ODAD4: variants seen among roughly 807,000 people sequenced by gnomAD.
The protein encoded by ODAD4 is outer dynein arm docking complex subunit 4.
ODAD4 carries 49 observed loss-of-function variants against 51.8 expected under a neutral mutation model. The ratio of observed to expected loss-of-function variants is 0.95; its 90% CI spans 0.75 to 1.20. The LOEUF is 1.20. ODAD4 is among the 50% of genes most tolerant of loss of function. The pLI is 0.00. For synonymous variants in ODAD4, 235 were observed against 221.3 expected, an observed-to-expected ratio of 1.06 and a Z score of -0.55; for missense variants, 590 against 586.5, an observed-to-expected ratio of 1.01 and a Z score of -0.06.
chr17:41,960,245 A>C (rs573187920), intron 10 of ODAD4, among the ~76,000 whole-genome samples: 1 of 152,238 alleles, frequency 6.6e-6, no homozygotes, highest in East Asian at 1.9e-4. Context: ...GGGCAGGAGG[A>C]TCACTTGGGT....
intron 10 of ODAD4, among the ~76,000 whole-genome samples, chr17:41,956,832 C>T (rs2050740895): frequency 1.3e-5 from 2 of 152,196 alleles, no homozygotes; most frequent in Non-Finnish European, 2.9e-5. Flanking sequence ...ATTCTCCTGC[C>T]TTGACCTGCC....
intron 10 of ODAD4, among the ~76,000 whole-genome samples, chr17:41,957,857 C>T (rs2050753697): frequency 6.6e-6 from 1 of 152,088 alleles, no homozygotes; most frequent in African/African-American, 2.4e-5. Context: ...GTGACTACAG[C>T]TCACTGCAGC....
At chr17:41,962,345 A>C (rs562634030) in intron 11 of ODAD4, among the ~76,000 whole-genome samples, 3 of 152,278 alleles carry the variant, frequency 2.0e-5, no homozygotes, top group Admixed American at 2.0e-4. Flanking sequence ...GTGCCTTACC[A>C]CATTCTTTCT....
At chr17:41,934,461 C>G (rs1436761483) in intron 1 of ODAD4, among the ~76,000 whole-genome samples, 1 of 152,054 alleles carries the variant, frequency 6.6e-6, no homozygotes, top group African/African-American at 2.4e-5. Flanking sequence ...AAGCAATCCT[C>G]CCATCTCAGC....
At chr17:41,940,220 G>A (rs4796744) in intron 7 of ODAD4, among the ~76,000 whole-genome samples, 101,812 of 151,954 alleles carry the variant, frequency 0.67, 35,563 homozygotes, top group East Asian at 0.83. Flanking sequence ...CCTGAGTCCT[G>A]CTGCTTCCCC....
intron 10 of ODAD4, 64 bp downstream of exon 10, chr17:41,955,381 T>G: frequency 1.4e-6 from 1 of 717,460 alleles, no homozygotes; most frequent in South Asian, 1.5e-5. Context: ...AGGCCTTCAG[T>G]TCCCCCTCAG....
At chr17:41,939,263 G>A in intron 7 of ODAD4, 91 bp downstream of exon 7, 1 of 1,286,772 alleles carries the variant, frequency 7.8e-7, no homozygotes, top group Non-Finnish European at 1.1e-6. Context: ...CTGGTGGCTT[G>A]ACTCCCATTT....
chr17:41,953,668 TAGAG>T (rs781894882), intron 9 of ODAD4, among the ~76,000 whole-genome samples: 9 of 145,114 alleles, frequency 6.2e-5, no homozygotes, highest in Admixed American at 2.8e-4. Flanking sequence ...TATATATATA[TAGAG>T]AGAGAGAGAG....
Position 41,955,264 on chromosome 17 carries a change from C to G in ODAD4, c.1390C>G (p.Leu464Val). 1.3e-6 allele frequency: 1 copy of G among 780,124 alleles called. No homozygotes were observed. The highest frequency in any genetic ancestry group is 2.4e-6 in the Non-Finnish European group (1 of 417,724). 48.3% of individuals were successfully genotyped at this position (780,124 alleles called of 1,614,324 possible). A position where few individuals can be genotyped will look rare whatever the true frequency, so the allele number is the denominator to read the frequency against. Residue 464 changes from leucine (L) to valine (V), a missense_variant, in exon 10 of 12, where the codon CTG becomes GTG. Physicochemically the swap from Leu to Val is conservative, Grantham distance 32. Around this residue, in one of 3 missense-constraint regions of ODAD4, gnomAD observed 226 missense variants for 162.7 expected, o/e 1.39. Transcript: ENST00000377540. The stretch of plus-strand genomic sequence containing the variant: ...AGCCGTGAACAATTTTGAGAAGGCC[C>G]TGGAGAGAGCAAAGCTTGTGCATAA... The part of the protein sequence containing the change: ...ESAVNNFEKA[L>V]ERAKLVHNNE...
chr17:41,946,180 G>T (rs376408782), intron 8 of ODAD4, among the ~76,000 whole-genome samples: 7 of 152,078 alleles, frequency 4.6e-5, no homozygotes, highest in Non-Finnish European at 1.0e-4. Context: ...CGAAGGTCAA[G>T]CTCCACCATT....
chr17:41,941,308 C>T (rs1009311113), intron 7 of ODAD4, among the ~76,000 whole-genome samples: 7 of 152,214 alleles, frequency 4.6e-5, no homozygotes, highest in African/African-American at 1.7e-4. Flanking sequence ...CTTCTCCTGG[C>T]CTGTCTTGAC....
At chr17:41,936,273 C>T (rs1476942791) in intron 3 of ODAD4, among the ~76,000 whole-genome samples, 200 bp from the exon 4 acceptor site, 4 of 152,180 alleles carry the variant, frequency 2.6e-5, no homozygotes, top group East Asian at 3.8e-4. Flanking sequence ...GCTGCCATAG[C>T]CTTGGGCTAG....
intron 11 of ODAD4, among the ~76,000 whole-genome samples, chr17:41,963,255 A>G (rs1287158365): frequency 2.6e-5 from 4 of 152,130 alleles, no homozygotes; most frequent in Admixed American, 1.3e-4. Flanking sequence ...CCAGGAGGAG[A>G]ATGTAAGGGA....
intron 9 of ODAD4, among the ~76,000 whole-genome samples, chr17:41,953,207 T>C (rs1555640496): frequency 1.3e-5 from 2 of 151,816 alleles, no homozygotes; most frequent in East Asian, 1.9e-4. Context: ...ATTACATGCG[T>C]CCACCACCAT....
chr17:41,961,533 G>C (rs568369545), intron 11 of ODAD4, 67 bp downstream of exon 11: 3 of 710,878 alleles, frequency 4.2e-6, no homozygotes, highest in Non-Finnish European at 7.9e-6. Context: ...CCTCTAGTCC[G>C]AGACACATGC....
At chr17:41,949,767 G>A (rs2050630106) in intron 9 of ODAD4, among the ~76,000 whole-genome samples, 1 of 152,174 alleles carries the variant, frequency 6.6e-6, no homozygotes, top group Non-Finnish European at 1.5e-5. Flanking sequence ...CTGCCTCCCA[G>A]GTTCAAGTGA....
rs2050464215 is a variant in ODAD4 at position 41,938,758 on chromosome 17, A to G, written c.827A>G (p.Lys276Arg). Reference protein sequence around the residue: ...RPSQTAHYILKSLEDIDMLLT... With the variant: ...RPSQTAHYILRSLEDIDMLLT... ...TCACAGACAGCCCATTACATCCTCA[A>G]GAGCCTGGAGGACATTGATATGTGT... Residue 276 changes from lysine (K) to arginine (R), a missense_variant, in exon 6 of 12, where the codon AAG becomes AGG. Lys to Arg is a conservative substitution (Grantham distance 26). Around this residue, in one of 3 missense-constraint regions of ODAD4, gnomAD observed 360 missense variants for 407.5 expected, o/e 0.88. Transcript: ENST00000377540. The G allele has an allele frequency of 1.9e-6, 3 of 1,613,350 alleles. No individual in the cohort carries two copies. The highest frequency in any genetic ancestry group is 1.3e-5 in the African/African-American group (1 of 74,932).
chr17:41,945,839 T>A lies in ODAD4; in HGVS notation c.1145+617T>A, dbSNP rs904116401. Among the ~76,000 whole-genome samples the A allele has an allele frequency of 5.9e-5, 9 of 152,102 alleles. 1 individual carries two copies. The highest frequency in any genetic ancestry group is 5.9e-4 in the Admixed American group (9 of 15,264). On this transcript the variant is annotated intron_variant, in intron 8 of 11. Coordinates refer to ENST00000377540, the MANE Select transcript of ODAD4 (RefSeq NM_031421.5). ...TCGCTTGAACCCGGAAGGCGGAGGT[T>A]GCAGTGAGCTGAGATCATGCCGCTG...
At chr17:41,933,959 A>G (rs1158888718) in intron 1 of ODAD4, among the ~76,000 whole-genome samples, 1 of 121,806 alleles carries the variant, frequency 8.2e-6, no homozygotes, top group African/African-American at 3.1e-5. Flanking sequence ...AATCAGTTTC[A>G]TTTTCCTAGC....
Sources: allele counts gnomAD v4.1 joint callset (sites outside exome capture counted in the v4.1 genomes callset), GRCh38; gene constraint gnomAD v4.1.1; regional missense constraint gnomAD v4.1.1; transcripts MANE v1.5; gene names NCBI Gene and HGNC (gene_info 2026-07-23, HGNC 2026-07-21).